The following LRRC63 variants were observed in gnomAD, a reference collection of about 807,000 sequenced individuals.
LRRC63 encodes the protein leucine-rich repeat-containing protein 63.
LRRC63 carries 40 observed loss-of-function variants against 49.5 expected under a neutral mutation model. The ratio of observed to expected loss-of-function variants is 0.81; its 90% CI spans 0.63 to 1.05. The LOEUF is 1.05. Ranked by LOEUF, LRRC63 falls within the 50% of genes least tolerant of loss-of-function variation. The pLI, the probability that LRRC63 is intolerant of heterozygous loss-of-function variation, is 0.00. For missense variants in LRRC63, 636 were observed against 663.1 expected (o/e 0.96, Z 0.45); for synonymous variants, 191 against 221.1 (o/e 0.86, Z 1.21).
chr13:46,252,776 G>T (rs912391096), intron 7 of LRRC63, among the ~76,000 whole-genome samples: 2 of 152,024 alleles, frequency 1.3e-5, no homozygotes, highest in African/African-American at 2.4e-5. Context: ...TATATGAAAA[G>T]AAGCAGCATA....
intron 3 of LRRC63, 30 bp downstream of exon 3, chr13:46,228,219 T>G: frequency 5.1e-5 from 74 of 1,441,950 alleles, no homozygotes; most frequent in Non-Finnish European, 6.7e-5. Context: ...GGTATAATTA[T>G]AGAGTCAAGT....
chr13:46,242,742 G>T (rs1424597347), intron 5 of LRRC63, among the ~76,000 whole-genome samples: 3 of 148,230 alleles, frequency 2.0e-5, no homozygotes, highest in Non-Finnish European at 3.0e-5. Flanking sequence ...AACCCTGCAG[G>T]CTAGGAGAGA....
rs1431677332 is a variant in LRRC63, at chr13:46,222,182, GC to G, written c.86-5328del. On this transcript the variant is annotated intron_variant, in intron 2 of 9. Transcript: ENST00000595396. ...TTTCAGAAATGTCTATTCATGTCAT[GC>G]CTAAGGGGATTTTTTGTTTTCTAAG... 2.6e-5 allele frequency among the ~76,000 whole-genome samples: 4 copies of G among 152,142 alleles called. No homozygotes were observed. The East Asian group carries it at 5.8e-4, about 22-fold the overall frequency.
chr13:46,215,462 TTG>T (rs1453044436), intron 2 of LRRC63, among the ~76,000 whole-genome samples: 29 of 112,326 alleles, frequency 2.6e-4, no homozygotes, highest in African/African-American at 8.9e-4. Flanking sequence ...ATGGGGTGGT[TTG>T]TTTTTTTTTA....
intron 5 of LRRC63, among the ~76,000 whole-genome samples, chr13:46,236,560 G>A (rs1594045778): frequency 6.6e-6 from 1 of 152,068 alleles, no homozygotes; most frequent in Non-Finnish European, 1.5e-5. Context: ...TCAACCAAAA[G>A]TCTATACCCA....
intron 9 of LRRC63, among the ~76,000 whole-genome samples, chr13:46,269,711 A>G (rs951966185): frequency 2.6e-5 from 4 of 151,106 alleles, no homozygotes; most frequent in African/African-American, 9.7e-5. Flanking sequence ...TTACATAAAT[A>G]TAAGATACTA....
intron 2 of LRRC63, 66 bp downstream of exon 2, chr13:46,213,185 C>A: frequency 9.4e-7 from 1 of 1,067,626 alleles, no homozygotes; most frequent in Non-Finnish European, 1.4e-6. Flanking sequence ...CCTTGACTTG[C>A]ACAGCTCAGA....
intron 7 of LRRC63, among the ~76,000 whole-genome samples, chr13:46,258,421 A>G (rs1445962340): frequency 6.1e-5 from 9 of 148,670 alleles, no homozygotes; most frequent in East Asian, 2.1e-4. Flanking sequence ...GAGCCCCCGC[A>G]CCCAGCCCTG....
chr13:46,270,085 C>T (rs544610274), intron 9 of LRRC63: 86 of 602,342 alleles, frequency 1.4e-4, no homozygotes, highest in Middle Eastern at 4.2e-4. Flanking sequence ...CCATGGCTAC[C>T]GAGCGCCAAA....
At chr13:46,234,437 T>C (rs985736690) in intron 5 of LRRC63, 88 bp downstream of exon 5, 1 of 1,258,192 alleles carries the variant, frequency 7.9e-7, no homozygotes, top group East Asian at 2.6e-5. Context: ...GTTTCCATGG[T>C]ATTGAGGGGA....
intron 1 of LRRC63, 49 bp from the exon 2 acceptor site, chr13:46,212,953 C>A: frequency 1.1e-6 from 1 of 903,480 alleles, no homozygotes; most frequent in African/African-American, 1.7e-5. Context: ...TATTATTTTT[C>A]AACAATTCAA....
intron 4 of LRRC63, among the ~76,000 whole-genome samples, chr13:46,233,700 TG>T (rs2046826961): frequency 1.3e-5 from 2 of 152,154 alleles, no homozygotes; most frequent in African/African-American, 4.8e-5. Flanking sequence ...TTGTTTCCTA[TG>T]GGGGATCTAC....
chr13:46,228,274 C>G, intron 3 of LRRC63, 85 bp downstream of exon 3: 1 of 1,057,794 alleles, frequency 9.5e-7, no homozygotes, highest in Admixed American at 2.8e-5. Flanking sequence ...GTACCCCTCC[C>G]GCTTTGGGTT....
chr13:46,275,166 G>T (rs1321614464), intron 9 of LRRC63, among the ~76,000 whole-genome samples: 1 of 152,076 alleles, frequency 6.6e-6, no homozygotes, highest in Non-Finnish European at 1.5e-5. Context: ...TCCTTTTATA[G>T]CTGAATAGTA....
At chr13:46,226,500 T>C (rs2046579989) in intron 2 of LRRC63, among the ~76,000 whole-genome samples, 1 of 152,226 alleles carries the variant, frequency 6.6e-6, no homozygotes, top group South Asian at 2.1e-4. Context: ...CAATACATTT[T>C]GCTGTTCTAC....
intron 9 of LRRC63, chr13:46,270,210 T>C: frequency 1.2e-6 from 1 of 841,386 alleles, no homozygotes; most frequent in Non-Finnish European, 2.1e-6. Context: ...TCTAACCGAA[T>C]ATGTGTCATC....
intron 6 of LRRC63, among the ~76,000 whole-genome samples, chr13:46,247,350 G>A (rs566583522): frequency 2.2e-4 from 33 of 152,036 alleles, no homozygotes; most frequent in Admixed American, 1.1e-3. Context: ...TTATTAATTT[G>A]ACTAGGAGAA....
rs182797478 is a variant in LRRC63 at position 46,246,144 on chromosome 13, C to G, written c.991-383C>G. Among the ~76,000 whole-genome samples, 819 of 152,242 alleles carry G rather than the reference C, an allele frequency of 5.4e-3. 21 individuals are homozygous for G. Among genetic ancestry groups the G allele is most frequent in the Admixed American group, 0.045 (686 of 15,298 alleles). On this transcript the variant is annotated intron_variant, in intron 5 of 9. Coordinates refer to ENST00000595396, the Ensembl canonical transcript of LRRC63. The stretch of plus-strand genomic sequence containing the variant: ...GCTCTGGCCATGTAAGACCGCTTCC[C>G]CCTTCACCTGCTATGATCGTAAGTT...
intron 9 of LRRC63, among the ~76,000 whole-genome samples, chr13:46,275,496 T>A (rs2047822579): frequency 6.6e-6 from 1 of 152,156 alleles, no homozygotes. Context: ...CTTTTTGTCT[T>A]TTTTATAATA....
Sources: gnomAD v4.1 joint callset for allele counts (sites outside exome capture counted in the v4.1 genomes callset) on GRCh38, gnomAD v4.1.1 for gene constraint, MANE v1.5 for transcripts, NCBI Gene and HGNC (gene_info 2026-07-23, HGNC 2026-07-21) for gene names.